Variants in KIAA1549L observed in about 807,000 individuals in gnomAD.
KIAA1549L encodes UPF0606 protein KIAA1549L.
A neutral mutation model predicts 160.7 loss-of-function variants in KIAA1549L; 88 were observed. The ratio of observed to expected loss-of-function variants is 0.55; its 90% confidence interval spans 0.46 to 0.65. KIAA1549L has a LOEUF of 0.65. KIAA1549L is among the 30% of genes least tolerant of loss of function. The probability of loss-of-function intolerance (pLI) is 0.00; values close to 1 mark genes in which losing one functional copy is unlikely to be tolerated. For missense variants in KIAA1549L, 2,258 were observed against 2,437.5 expected, an observed-to-expected ratio of 0.93 and a Z score of 1.55; for synonymous variants, 950 against 976.7, an observed-to-expected ratio of 0.97 and a Z score of 0.51.
chr11:33,601,601 C>T (rs1011295721), intron 13 of KIAA1549L, among the ~76,000 whole-genome samples: 1 of 152,308 alleles, frequency 6.6e-6, no homozygotes, highest in East Asian at 1.9e-4. Context: ...ATCCATTATT[C>T]TGTTGATATG....
intron 7 of KIAA1549L, among the ~76,000 whole-genome samples, chr11:33,560,800 CGTG>C (rs1343068570): frequency 5.9e-5 from 9 of 152,190 alleles, no homozygotes; most frequent in African/African-American, 2.2e-4. Context: ...AGATAATACG[CGTG>C]AATGTACTTA....
At chr11:33,578,459 C>A (rs1339080575) in intron 10 of KIAA1549L, among the ~76,000 whole-genome samples, 1 of 152,190 alleles carries the variant, frequency 6.6e-6, no homozygotes, top group Non-Finnish European at 1.5e-5. Context: ...TCATTCTCTC[C>A]CACTTGGACC....
chr11:33,628,414 G>T (rs1476346166), intron 16 of KIAA1549L, among the ~76,000 whole-genome samples: 1 of 151,478 alleles, frequency 6.6e-6, no homozygotes, highest in East Asian at 1.9e-4. Context: ...TAATGTGTGG[G>T]AGTCTAAGTC....
chr11:33,527,331 T>C (rs1420330334), intron 1 of KIAA1549L, among the ~76,000 whole-genome samples: 1 of 151,978 alleles, frequency 6.6e-6, no homozygotes, highest in Non-Finnish European at 1.5e-5. Flanking sequence ...AAACAAACAA[T>C]GTAAAATGGG....
intron 1 of KIAA1549L, among the ~76,000 whole-genome samples, chr11:33,436,498 C>T (rs2615904): frequency 0.17 from 25,683 of 152,212 alleles, 2,633 homozygotes; most frequent in East Asian, 0.32. Flanking sequence ...GGGCAGTCTG[C>T]TTTATTTGGT....
rs1851014870 is a variant in KIAA1549L at position 33,421,705 on chromosome 11, CAAT to C, written c.238+44819_238+44821del. 2.6e-5 allele frequency among the ~76,000 whole-genome samples: 4 copies of C among 152,164 alleles called. No individual in the cohort carries two copies. The South Asian group carries it at 8.3e-4, about 31-fold the overall frequency. Reference sequence around the variant, plus strand: ...TTTTGAGGAAGGAAGGGCTGAATAACAATAACATCAATAATAATGCAGATTTCC... The same window carrying C: ...TTTTGAGGAAGGAAGGGCTGAATAACAACATCAATAATAATGCAGATTTCC... On this transcript the variant is annotated intron_variant, in intron 1 of 20. Transcript: ENST00000658780.
At chr11:33,389,253 C>T (rs1242952936) in intron 1 of KIAA1549L, among the ~76,000 whole-genome samples, 3 of 152,116 alleles carry the variant, frequency 2.0e-5, no homozygotes, top group Admixed American at 6.5e-5. Context: ...AATGCCGTTC[C>T]CCTGTCACTT....
Position 33,559,808 on chromosome 11 carries a change from G to A in KIAA1549L, c.3915G>A (p.Gln1305=), listed in dbSNP as rs1321659014. 1.9e-6 allele frequency: 3 copies of A among 1,614,006 alleles called. No individual in the cohort carries two copies. The highest frequency in any genetic ancestry group is 1.1e-5 in the South Asian group (1 of 91,082). The change falls in exon 7 of 21, where the codon CAG becomes CAA. Residue 1305 remains glutamine, a synonymous_variant. Transcript: ENST00000658780. The part of the protein sequence containing the change: ...AVTLVYVVGN[Q]STFLNGTVAS... ...CCTTGGTGTACGTCGTGGGCAATCA[G>A]AGCACATTCCTCAACGGCACCGTCG...
chr11:33,617,591 C>G (rs1850845847), intron 15 of KIAA1549L, among the ~76,000 whole-genome samples: 2 of 152,200 alleles, frequency 1.3e-5, no homozygotes, highest in African/African-American at 2.4e-5. Context: ...CTAAAGTTGT[C>G]TCCCATCCTA....
chr11:33,569,562 C>T (rs1208974620), intron 9 of KIAA1549L, among the ~76,000 whole-genome samples: 1 of 152,188 alleles, frequency 6.6e-6, no homozygotes, highest in Non-Finnish European at 1.5e-5. Flanking sequence ...CAAATCCTGT[C>T]TCCAGGCAAT....
chr11:33,553,614 C>A (rs1336968363), intron 6 of KIAA1549L, among the ~76,000 whole-genome samples: 15 of 152,192 alleles, frequency 9.9e-5, no homozygotes, highest in Admixed American at 9.8e-4. Context: ...AGACGAAGAT[C>A]TAAAAATGTG....
At chr11:33,545,748 T>A (rs906526331) in intron 3 of KIAA1549L, among the ~76,000 whole-genome samples, 1 of 152,118 alleles carries the variant, frequency 6.6e-6, no homozygotes, top group African/African-American at 2.4e-5. Flanking sequence ...AGTCCTGATA[T>A]CAGAAGTCCC....
chr11:33,574,535 G>C (rs189804586), intron 9 of KIAA1549L, among the ~76,000 whole-genome samples, 167 bp from the exon 10 acceptor site: 149 of 152,358 alleles, frequency 9.8e-4, no homozygotes, highest in African/African-American at 3.4e-3. Context: ...TCCTGCTCCA[G>C]CGAGAGCAGG....
At chr11:33,523,434 T>C (rs1853542821) in intron 1 of KIAA1549L, among the ~76,000 whole-genome samples, 2 of 152,244 alleles carry the variant, frequency 1.3e-5, no homozygotes, top group Non-Finnish European at 2.9e-5. Context: ...TATTGGAACA[T>C]ATGTCTTGAC....
At chr11:33,658,989 T>C in intron 19 of KIAA1549L, 91 bp downstream of exon 19, 1 of 1,316,200 alleles carries the variant, frequency 7.6e-7, no homozygotes, top group Middle Eastern at 1.9e-4. Flanking sequence ...CCTTTCTACC[T>C]ACCACCCTCA....
intron 16 of KIAA1549L, among the ~76,000 whole-genome samples, chr11:33,641,053 G>A (rs1590429254): frequency 6.6e-6 from 1 of 152,212 alleles, no homozygotes; most frequent in East Asian, 1.9e-4. Flanking sequence ...GCCAGTGAGG[G>A]AGAAGGGTTT....
intron 1 of KIAA1549L, among the ~76,000 whole-genome samples, chr11:33,461,234 T>C (rs1851935939): frequency 6.6e-6 from 1 of 152,190 alleles, no homozygotes; most frequent in Admixed American, 6.5e-5. Flanking sequence ...TTAAGTGCAA[T>C]TTGATAGGCT....
intron 17 of KIAA1549L, among the ~76,000 whole-genome samples, chr11:33,648,944 G>A (rs183696426): frequency 6.6e-6 from 1 of 152,304 alleles, no homozygotes; most frequent in East Asian, 1.9e-4. Flanking sequence ...ACACAGCTAA[G>A]TGCTATGTAG....
At chr11:33,466,795 AG>A (rs1852068825) in intron 1 of KIAA1549L, among the ~76,000 whole-genome samples, 1 of 152,252 alleles carries the variant, frequency 6.6e-6, no homozygotes, top group Non-Finnish European at 1.5e-5. Context: ...GCCATAAAAA[AG>A]TATGAGTTCA....
Sources: allele counts gnomAD v4.1 joint callset (sites outside exome capture counted in the v4.1 genomes callset), GRCh38; gene constraint gnomAD v4.1.1; transcripts MANE v1.5; gene names NCBI Gene and HGNC (gene_info 2026-07-23, HGNC 2026-07-21).